Variants in NUDT14 observed in about 807,000 individuals in gnomAD.
NUDT14 encodes the protein nudix hydrolase 14.
In NUDT14, 22 loss-of-function variants were observed where a neutral mutation model predicts 17.5. The observed-to-expected ratio is 1.26, with a 90% CI of 0.90 to 1.80. The LOEUF is 1.80. NUDT14 is among the 40% of genes most tolerant of loss of function. The pLI is 0.00. For synonymous variants in NUDT14, 129 were observed against 125.8 expected, an observed-to-expected ratio of 1.03 and a Z score of -0.17; for missense variants, 296 against 295.6, an observed-to-expected ratio of 1.00 and a Z score of -0.01.
In NUDT14 at chr14:105,176,775, C is replaced by A; in HGVS notation, c.191-4G>T. On this transcript the variant is annotated splice_polypyrimidine_tract_variant and splice_region_variant and intron_variant, in intron 3 of 4. Transcript: ENST00000392568. ...TCCACCTCACCCGCATACACAGCTG[C>A]GTGGGAAGAAGCCAGACTGTGCTCA... is the stretch of plus-strand genomic sequence containing the variant. 6.2e-7 allele frequency: 1 copy of A among 1,611,280 alleles called. No homozygotes were observed. The highest frequency in any genetic ancestry group is 8.5e-7 in the Non-Finnish European group (1 of 1,179,160).
intron 4 of NUDT14, among the ~76,000 whole-genome samples, chr14:105,175,305 A>T (rs1276191451): frequency 2.6e-5 from 4 of 152,214 alleles, no homozygotes; most frequent in African/African-American, 9.6e-5. Context: ...GGCGTGGCCC[A>T]CCACGGGGTA....
intron 4 of NUDT14, chr14:105,175,709 A>T (rs1423172533): frequency 2.7e-5 from 27 of 999,406 alleles, no homozygotes; most frequent in Non-Finnish European, 3.1e-5. Context: ...CCAGCGTGGA[A>T]ATGCTGCCTT....
intron 4 of NUDT14, 40 bp downstream of exon 4, chr14:105,176,494 C>T: frequency 6.6e-7 from 1 of 1,512,784 alleles, no homozygotes; most frequent in Non-Finnish European, 9.2e-7. Flanking sequence ...CTCCCATCTC[C>T]TGAGTCACAC....
Position 105,176,975 on chromosome 14 carries a change from G to C in NUDT14, c.178C>G (p.Gln60Glu), listed in dbSNP as rs926815138. 1 of 1,611,880 alleles carries C rather than the reference G, an allele frequency of 6.2e-7. No individual in the cohort carries two copies. The highest frequency in any genetic ancestry group is 1.3e-5 in the African/African-American group (1 of 74,872). Reference sequence around the variant, plus strand: ...CAGCTGGCCTCACCTGGCCGGAACTGCTTCACCAACACCAGGCTCCTCCGA... The same window carrying C: ...CAGCTGGCCTCACCTGGCCGGAACTCCTTCACCAACACCAGGCTCCTCCGA... ...SSRRSLVLVKQFRPAVYAGEV... is the reference protein window; with the variant it reads ...SSRRSLVLVKEFRPAVYAGEV... The change falls in exon 3 of 5, where the codon CAG becomes GAG. Residue 60 changes from glutamine to glutamate, a missense_variant. Transcript: ENST00000392568.
intron 1 of NUDT14, among the ~76,000 whole-genome samples, chr14:105,180,038 G>T (rs1016808217): frequency 1.3e-5 from 2 of 152,214 alleles, no homozygotes; most frequent in Non-Finnish European, 2.9e-5. Flanking sequence ...GCATGAAGGA[G>T]CTCTGGCAGA....
intron 3 of NUDT14, 76 bp from the exon 4 acceptor site, chr14:105,176,847 C>G (rs964302393): frequency 1.3e-6 from 2 of 1,559,590 alleles, no homozygotes; most frequent in Non-Finnish European, 8.8e-7. Context: ...GCCAAGCCCC[C>G]TCCCAGGGCC....
At chr14:105,179,719 G>T (rs970621946) in intron 1 of NUDT14, among the ~76,000 whole-genome samples, 2 of 152,196 alleles carry the variant, frequency 1.3e-5, no homozygotes, top group African/African-American at 4.8e-5. Flanking sequence ...TACCCCGACT[G>T]ATCCCAGCTG....
At chr14:105,178,228 G>C (rs1417767622) in intron 1 of NUDT14, among the ~76,000 whole-genome samples, 2 of 151,962 alleles carry the variant, frequency 1.3e-5, no homozygotes, top group African/African-American at 4.8e-5. Flanking sequence ...GGAGTGGATG[G>C]GGAAGGGTGG....
intron 3 of NUDT14, 70 bp from the exon 4 acceptor site, chr14:105,176,841 A>G (rs1889225106): frequency 1.9e-6 from 3 of 1,570,626 alleles, no homozygotes; most frequent in African/African-American, 2.7e-5. Flanking sequence ...CACACAGCCA[A>G]GCCCCCTCCC....
At position 105,173,038 on chromosome 14, in the gene NUDT14, TG is replaced by T; in HGVS notation, c.651del (p.Asn218ThrfsTer11). ...CTGGAGTCTCACTGGAGATCCAGGTTGGGGGCCACCTGGCTGAGGAACCATG... is the reference window on the plus strand; with the variant it reads ...CTGGAGTCTCACTGGAGATCCAGGTTGGGGCCACCTGGCTGAGGAACCATG... ...GVSWFLSQVA[P>X]NLDLQ is the part of the protein sequence containing the mutation. On this transcript the variant is annotated frameshift_variant, in exon 5 of 5. Coordinates refer to ENST00000392568, the MANE Select transcript of NUDT14 (RefSeq NM_177533.5). LOFTEE classifies it high-confidence loss of function. This position sits in a 1 kb window ranked among gnomAD's most constrained non-coding sequence, Gnocchi z 4.7. 1 of 1,514,576 alleles carries T rather than the reference TG, an allele frequency of 6.6e-7. No individual in the cohort carries two copies. Among genetic ancestry groups the T allele is most frequent in the Non-Finnish European group, 8.8e-7 (1 of 1,131,536 alleles). The allele number at this position is 1,514,576 out of a possible 1,614,324, so 93.8% of individuals were successfully genotyped here.
chr14:105,176,320 G>C, intron 4 of NUDT14: 2 of 601,220 alleles, frequency 3.3e-6, no homozygotes, highest in South Asian at 4.0e-5. Flanking sequence ...GCCGCAGGCT[G>C]GGGGCATGGG....
intron 1 of NUDT14, among the ~76,000 whole-genome samples, chr14:105,179,700 C>T (rs1889287590): frequency 6.6e-6 from 1 of 152,214 alleles, no homozygotes; most frequent in Non-Finnish European, 1.5e-5. Context: ...CCCATGTCTC[C>T]ACCTGCTGTA....
chr14:105,177,846 G>A (rs891077024), intron 1 of NUDT14, 111 bp from the exon 2 acceptor site: 76 of 1,031,308 alleles, frequency 7.4e-5, no homozygotes, highest in East Asian at 3.4e-4. Flanking sequence ...AGATCGGCTC[G>A]TGGCCTGGGC....
intron 1 of NUDT14, among the ~76,000 whole-genome samples, chr14:105,179,449 C>T (rs1240967160): frequency 6.6e-6 from 1 of 152,256 alleles, no homozygotes; most frequent in Non-Finnish European, 1.5e-5. Context: ...CAGCCACAGC[C>T]CGAACCAGCT....
intron 2 of NUDT14, chr14:105,177,285 C>T (rs1889236431): frequency 3.2e-6 from 2 of 625,266 alleles, no homozygotes; most frequent in African/African-American, 1.8e-5. Flanking sequence ...GACACACGGG[C>T]AGCTGAGTAG....
chr14:105,174,148 G>A (rs1323634881), intron 4 of NUDT14, among the ~76,000 whole-genome samples: 1 of 152,106 alleles, frequency 6.6e-6, no homozygotes, highest in Non-Finnish European at 1.5e-5. Flanking sequence ...GGGGTAAGAG[G>A]AAGCCCCCTC....
At position 105,181,099 on chromosome 14, in the gene NUDT14, G is replaced by A. The variant is rs1232782923; in HGVS notation, c.81+30C>T. On this transcript the variant is annotated intron_variant, in intron 1 of 4. Transcript: ENST00000392568. This position sits in a 1 kb window ranked among gnomAD's most constrained non-coding sequence, Gnocchi z 5.0. ...GGTCGTGGGCCGGGCCGCCGGCGGGGGCGCGGGGGACGCGGGGGCGCGGGC... is the reference window on the plus strand; with the variant it reads ...GGTCGTGGGCCGGGCCGCCGGCGGGAGCGCGGGGGACGCGGGGGCGCGGGC... 2.1e-5 allele frequency: 18 copies of A among 848,324 alleles called. No homozygotes were observed. 52.5% of individuals were successfully genotyped at this position (848,324 alleles called of 1,614,324 possible).
chr14:105,178,245 G>A (rs925149263), intron 1 of NUDT14, among the ~76,000 whole-genome samples: 17 of 152,132 alleles, frequency 1.1e-4, no homozygotes, highest in African/African-American at 3.9e-4. Context: ...GTGGCAGGAG[G>A]GGCTGGCACC....
intron 1 of NUDT14, among the ~76,000 whole-genome samples, chr14:105,180,290 G>A (rs912374522): frequency 6.6e-6 from 1 of 152,062 alleles, no homozygotes; most frequent in African/African-American, 2.4e-5. Flanking sequence ...ACAGTGAGAC[G>A]TCGTCTCTAC....
Sources: gnomAD v4.1 joint callset for allele counts (sites outside exome capture counted in the v4.1 genomes callset) on GRCh38, gnomAD v4.1.1 for gene constraint, Gnocchi (gnomAD v3.1) non-coding constraint, MANE v1.5 for transcripts, NCBI Gene and HGNC (gene_info 2026-07-23, HGNC 2026-07-21) for gene names.